SDHAF2: variants seen among roughly 807,000 people sequenced by gnomAD.
SDHAF2 encodes the protein succinate dehydrogenase assembly factor 2, mitochondrial.
Under a neutral mutation model 18.5 loss-of-function variants are expected in SDHAF2, and 21 were observed. The ratio of observed to expected loss-of-function variants is 1.13; its 90% CI spans 0.80 to 1.63. The LOEUF (loss-of-function observed/expected upper bound fraction) is 1.63, where lower values mean the gene tolerates loss of function less well. Ranked by LOEUF, SDHAF2 falls within the 40% of genes most tolerant of loss-of-function variation. The pLI, the probability that SDHAF2 is intolerant of heterozygous loss-of-function variation, is 0.00. For missense variants in SDHAF2, 195 were observed against 200.3 expected (o/e 0.97, Z 0.16); for synonymous variants, 84 against 70.7 (o/e 1.19, Z -0.94).
Position 61,446,031 on chromosome 11 carries a change from G to A in SDHAF2, c.461G>A (p.Arg154His), listed in dbSNP as rs768954974. 4.3e-6 allele frequency: 7 copies of A among 1,614,072 alleles called. No individual in the cohort carries two copies. The highest frequency in any genetic ancestry group is 2.7e-5 in the African/African-American group (2 of 74,928). ...AKNKNKEQRL[R>H]APDLEYLFEK... is the part of the protein sequence containing the mutation. Reference sequence around the variant, plus strand: ...AACAAAAACAAAGAGCAGAGACTGCGTGCCCCAGATCTTGAGTACCTCTTT... The same window carrying A: ...AACAAAAACAAAGAGCAGAGACTGCATGCCCCAGATCTTGAGTACCTCTTT... Residue 154 changes from arginine to histidine, a missense_variant, in exon 4 of 4, where the codon CGT (arginine) becomes CAT (histidine). Arg to His is a conservative substitution (Grantham distance 29). Transcript: ENST00000301761.
chr11:61,434,430 G>C (rs979407571), intron 1 of SDHAF2: 2 of 152,166 alleles, frequency 1.3e-5, no homozygotes, highest in Admixed American at 1.3e-4. Flanking sequence ...GTTCACCTCA[G>C]CCTCCCAAAG....
intron 3 of SDHAF2, among the ~76,000 whole-genome samples, chr11:61,440,717 G>C (rs1018006040): frequency 2.0e-5 from 3 of 152,026 alleles, no homozygotes; most frequent in Admixed American, 6.6e-5. Context: ...AATATTTTAG[G>C]CTTTGCAGGC....
chr11:61,432,937 C>A (rs967771850), intron 1 of SDHAF2: 1 of 151,828 alleles, frequency 6.6e-6, no homozygotes, highest in Non-Finnish European at 1.5e-5. Flanking sequence ...TGTTTTTATA[C>A]CTTTGTCTTT....
At chr11:61,434,449 T>G (rs1285296760) in intron 1 of SDHAF2, 2 of 152,234 alleles carry the variant, frequency 1.3e-5, no homozygotes, top group African/African-American at 4.8e-5. Context: ...AGTGCTGGGA[T>G]TACAGGCATT....
In SDHAF2 at chr11:61,443,918, C is replaced by G. The variant is rs187150305; in HGVS notation, c.371-2023C>G. Among the ~76,000 whole-genome samples, 471 of 152,232 alleles carry G rather than the reference C, an allele frequency of 3.1e-3. 2 individuals carry two copies. The highest frequency in any genetic ancestry group is 0.011 in the African/African-American group (445 of 41,552). On this transcript the variant is annotated intron_variant, in intron 3 of 3. Coordinates refer to ENST00000301761, the MANE Select transcript of SDHAF2 (RefSeq NM_017841.4). ...CATCCCGAGTAGCTGGGACTACAGGCGCCCGCCACCACGCCCGGCTAATTT... is the reference window on the plus strand; with the variant it reads ...CATCCCGAGTAGCTGGGACTACAGGGGCCCGCCACCACGCCCGGCTAATTT...
At chr11:61,435,735 C>CGGT (rs1861984374) in intron 1 of SDHAF2, 1 of 152,330 alleles carries the variant, frequency 6.6e-6, no homozygotes, top group Non-Finnish European at 1.5e-5. Context: ...TCCCAGCTGT[C>CGGT]GGTGGCCTCC....
intron 1 of SDHAF2, chr11:61,431,072 TGGA>T (rs990630833): frequency 2.6e-5 from 4 of 152,220 alleles, no homozygotes; most frequent in Admixed American, 6.5e-5. Flanking sequence ...TCGCCCAGGC[TGGA>T]GTGCAATGGC....
intron 3 of SDHAF2, among the ~76,000 whole-genome samples, chr11:61,443,931 G>A (rs543023619): frequency 1.7e-4 from 26 of 152,212 alleles, no homozygotes; most frequent in African/African-American, 4.6e-4. Context: ...CCGCCACCAC[G>A]CCCGGCTAAT....
intron 3 of SDHAF2, among the ~76,000 whole-genome samples, chr11:61,439,280 G>A (rs1443382404): frequency 1.3e-5 from 2 of 152,060 alleles, no homozygotes; most frequent in Non-Finnish European, 2.9e-5. Flanking sequence ...TTTCATCCTA[G>A]CATGTGTTTT....
chr11:61,443,633 G>A (rs1862096933), intron 3 of SDHAF2, among the ~76,000 whole-genome samples: 2 of 152,168 alleles, frequency 1.3e-5, no homozygotes, highest in African/African-American at 4.8e-5. Context: ...TGTGCTTAGA[G>A]TGGAAGCTGG....
In SDHAF2 at chr11:61,437,730, A is replaced by G; in HGVS notation, c.142A>G (p.Ile48Val). The G allele has an allele frequency of 6.2e-7, 1 of 1,614,208 alleles. No individual in the cohort carries two copies. Among genetic ancestry groups the G allele is most frequent in the Non-Finnish European group, 8.5e-7 (1 of 1,180,026 alleles). ...CCCAACAGATTCCCAAAAGGACATGATTGAAATCCCTTTGCCTCCATGGCA... is the reference window on the plus strand; with the variant it reads ...CCCAACAGATTCCCAAAAGGACATGGTTGAAATCCCTTTGCCTCCATGGCA... ...DSPTDSQKDM[I>V]EIPLPPWQER... Residue 48 changes from isoleucine to valine, a missense_variant, in exon 2 of 4, where the codon ATT (isoleucine) becomes GTT (valine). Transcript: ENST00000301761.
chr11:61,441,347 A>G (rs1487006709), intron 3 of SDHAF2, among the ~76,000 whole-genome samples: 2 of 152,030 alleles, frequency 1.3e-5, no homozygotes, highest in Admixed American at 6.6e-5. Flanking sequence ...CTTGGCCAAC[A>G]TGGTGAAACC....
At chr11:61,445,847 G>A (rs1481374558) in intron 3 of SDHAF2, 94 bp from the exon 4 acceptor site, 1 of 1,383,370 alleles carries the variant, frequency 7.2e-7, no homozygotes, top group African/African-American at 1.4e-5. Flanking sequence ...ATATCCATCT[G>A]TGGTTCTTGG....
At chr11:61,438,174 A>T in intron 3 of SDHAF2, 61 bp downstream of exon 3, 1 of 1,246,028 alleles carries the variant, frequency 8.0e-7, no homozygotes, top group Non-Finnish European at 1.2e-6. Context: ...ATTTGAGTCT[A>T]GAATTGTATC....
intron 3 of SDHAF2, chr11:61,438,390 G>T (rs1008706288): frequency 1.8e-6 from 1 of 542,292 alleles, no homozygotes; most frequent in African/African-American, 1.9e-5. Context: ...ATAGAGACAG[G>T]GTTTCTCTGT....
At chr11:61,438,526 T>C (rs1229619724) in intron 3 of SDHAF2, among the ~76,000 whole-genome samples, 3 of 152,240 alleles carry the variant, frequency 2.0e-5, no homozygotes, top group Non-Finnish European at 4.4e-5. Flanking sequence ...ATTCATGAAG[T>C]AGACACTCAA....
intron 1 of SDHAF2, chr11:61,432,080 T>G: frequency 6.6e-6 from 1 of 152,020 alleles, no homozygotes; most frequent in East Asian, 1.9e-4. Context: ...CTGGGCAACA[T>G]GGCAAAACCC....
intron 3 of SDHAF2, among the ~76,000 whole-genome samples, chr11:61,443,274 C>T (rs1326340759): frequency 3.3e-5 from 5 of 152,208 alleles, no homozygotes; most frequent in African/African-American, 1.2e-4. Context: ...GAGTTTCCAA[C>T]TCTGCTAGAA....
chr11:61,440,815 A>G (rs2134895957), intron 3 of SDHAF2, among the ~76,000 whole-genome samples: 1 of 152,340 alleles, frequency 6.6e-6, no homozygotes, highest in South Asian at 2.1e-4. Flanking sequence ...TTGTGTTTCA[A>G]TAAAACCTTA....
Sources: allele counts gnomAD v4.1 joint callset (sites outside exome capture counted in the v4.1 genomes callset), GRCh38; gene constraint gnomAD v4.1.1; transcripts MANE v1.5; gene names NCBI Gene and HGNC (gene_info 2026-07-23, HGNC 2026-07-21).